PODN: variants seen among roughly 807,000 people sequenced by gnomAD.
PODN encodes podocan proteoglycan.
Under a neutral mutation model 52.7 loss-of-function variants are expected in PODN, and 40 were observed. The ratio of observed to expected loss-of-function variants is 0.76; its 90% CI spans 0.59 to 0.99. The LOEUF is 0.99. PODN is among the 50% of genes least tolerant of loss of function. The pLI is 0.00. For synonymous variants in PODN, 396 were observed against 377.9 expected (o/e 1.05, Z -0.56); for missense variants, 720 against 815.1 (o/e 0.88, Z 1.42).
At chr1:53,071,761 C>A in intron 3 of PODN, 133 bp downstream of exon 3, 1 of 872,536 alleles carries the variant, frequency 1.1e-6, no homozygotes, top group Non-Finnish European at 1.8e-6. Flanking sequence ...CAGGCCCGGG[C>A]CAGGCTAGCA....
At chr1:53,063,477 C>T in intron 1 of PODN, 1 of 985,564 alleles carries the variant, frequency 1.0e-6, no homozygotes, top group Non-Finnish European at 1.2e-6. Context: ...AGAAACCTTC[C>T]ACACTGGGAA....
In PODN at chr1:53,070,011, G is replaced by T; in HGVS notation, c.156G>T (p.Leu52=). Reference sequence around the variant, plus strand: ...AATTTGCGGAGGAGGAGCCGGTGCTGGTACTGAGCCCTGAGGAGCCCGGGC... The same window carrying T: ...AATTTGCGGAGGAGGAGCCGGTGCTTGTACTGAGCCCTGAGGAGCCCGGGC... ...ENEFAEEEPV[L]VLSPEEPGPG... is the part of the protein sequence containing the mutation. Residue 52 remains leucine, a synonymous_variant, in exon 2 of 11, where the codon CTG becomes CTT. Coordinates refer to ENST00000312553, the MANE Select transcript of PODN (RefSeq NM_153703.5). The T allele has an allele frequency of 6.2e-7, 1 of 1,612,790 alleles. No individual in the cohort carries two copies. The highest frequency in any genetic ancestry group is 8.5e-7 in the Non-Finnish European group (1 of 1,179,872).
rs1432183648 is a variant in PODN at position 53,075,853 on chromosome 1, C to T, written c.472-9C>T. The T allele has an allele frequency of 6.3e-7, 1 of 1,584,720 alleles. No homozygotes were observed. Among genetic ancestry groups the T allele is most frequent in the East Asian group, 2.3e-5 (1 of 43,864 alleles). On this transcript the variant is annotated splice_polypyrimidine_tract_variant and intron_variant, in intron 4 of 10. Transcript: ENST00000312553. Reference sequence around the variant, plus strand: ...ATTGCTCTTTCGGCCCCAACTCTTCCCTTCCCAGCTGACCTTGGCACCCCG... The same window carrying T: ...ATTGCTCTTTCGGCCCCAACTCTTCTCTTCCCAGCTGACCTTGGCACCCCG...
chr1:53,080,605 C>A (rs1278874897), intron 8 of PODN, 123 bp from the exon 9 acceptor site: 8 of 1,037,710 alleles, frequency 7.7e-6, no homozygotes, highest in Middle Eastern at 3.0e-4. Context: ...TTATAGACAC[C>A]CCCCCTCCTC....
rs1314333533 is a variant in PODN, at chr1:53,074,462, C to T, written c.407-144C>T. 6 of 860,822 alleles carry T rather than the reference C, an allele frequency of 7.0e-6. No individual in the cohort carries two copies. The East Asian group carries it at 7.3e-5, about 11-fold the overall frequency. 53.3% of individuals were successfully genotyped at this position (860,822 alleles called of 1,614,324 possible). The stretch of plus-strand genomic sequence containing the variant: ...AGGAGAAAGAACAGGGCTGGGCAGG[C>T]CCCCCAACTGCTTGGGAGGGGATCT... On this transcript the variant is annotated intron_variant, in intron 3 of 10. Coordinates refer to ENST00000312553, the MANE Select transcript of PODN (RefSeq NM_153703.5).
chr1:53,067,263 G>A (rs1006599784), intron 1 of PODN, among the ~76,000 whole-genome samples: 5 of 152,102 alleles, frequency 3.3e-5, no homozygotes, highest in Non-Finnish European at 7.4e-5. Flanking sequence ...ATGTGGATCT[G>A]TAGGGTCAAG....
chr1:53,072,036 C>A (rs1283383886), intron 3 of PODN, among the ~76,000 whole-genome samples: 1 of 150,214 alleles, frequency 6.7e-6, no homozygotes, highest in Non-Finnish European at 1.5e-5. Context: ...AATTCCATTA[C>A]AGGTCATTTG....
At chr1:53,079,999 TAAAA>T (rs5774134) in intron 8 of PODN, among the ~76,000 whole-genome samples, 1,284 of 106,090 alleles carry the variant, frequency 0.012, 13 homozygotes, top group African/African-American at 0.035. Context: ...TGTCTCAAAT[TAAAA>T]AAAAAAAAAA....
chr1:53,070,274 T>C, intron 2 of PODN, 107 bp downstream of exon 2: 1 of 1,525,202 alleles, frequency 6.6e-7, no homozygotes, highest in Non-Finnish European at 8.8e-7. Context: ...GAACCTCCAA[T>C]ATGTGCGGCT....
chr1:53,071,688 C>A (rs1190854929), intron 3 of PODN, 60 bp downstream of exon 3: 3 of 1,495,576 alleles, frequency 2.0e-6, no homozygotes, highest in Non-Finnish European at 2.8e-6. Context: ...GGGGCCTGAA[C>A]GATGCTGGGT....
At chr1:53,080,911 G>A (rs373298348) in intron 9 of PODN, 35 bp downstream of exon 9, 100 of 1,608,846 alleles carry the variant, frequency 6.2e-5, no homozygotes, top group Non-Finnish European at 7.3e-5. Context: ...ACACACCCCC[G>A]TGGGGCCCAC....
chr1:53,068,622 C>T (rs1644067246), intron 1 of PODN, among the ~76,000 whole-genome samples: 1 of 152,180 alleles, frequency 6.6e-6, no homozygotes, highest in Non-Finnish European at 1.5e-5. Context: ...GTATTATCTG[C>T]ATTGTACAGA....
chr1:53,071,386 C>T, intron 2 of PODN, 149 bp from the exon 3 acceptor site: 1 of 669,912 alleles, frequency 1.5e-6, no homozygotes, highest in African/African-American at 1.8e-5. Flanking sequence ...AGAGCTGGCA[C>T]CGGGGGTCTG....
intron 3 of PODN, chr1:53,073,265 A>G (rs1461925383): frequency 1.9e-5 from 4 of 205,504 alleles, no homozygotes; most frequent in Non-Finnish European, 4.2e-5. Flanking sequence ...TGTAATCCCT[A>G]TGCAACAATG....
In PODN at chr1:53,078,905, C is replaced by T. The variant is rs1158284732; in HGVS notation, c.1395C>T (p.Ala465=). The part of the protein sequence containing the change: ...VLKVKRNELA[A]LARGALVGMA... ...AGGTCAAGCGCAATGAGCTGGCTGC[C>T]TTGGCACGAGGGGCGCTGGTGGGCA... Residue 465 remains alanine, a synonymous_variant, in exon 8 of 11, where the codon GCC becomes GCT. Coordinates refer to ENST00000312553, the MANE Select transcript of PODN (RefSeq NM_153703.5). 1.2e-6 allele frequency: 2 copies of T among 1,608,118 alleles called. No homozygotes were observed. The highest frequency in any genetic ancestry group is 1.7e-5 in the Admixed American group (1 of 59,244).
At position 53,077,300 on chromosome 1, in the gene PODN, A is replaced by G; in HGVS notation, c.692A>G (p.His231Arg). 6.2e-7 allele frequency: 1 copy of G among 1,613,340 alleles called. No individual in the cohort carries two copies. The highest frequency in any genetic ancestry group is 1.7e-5 in the Admixed American group (1 of 60,018). Residue 231 changes from histidine (H) to arginine (R), a missense_variant, in exon 6 of 11, where the codon CAC (histidine) becomes CGC (arginine). Physicochemically the swap from His to Arg is conservative, Grantham distance 29. Transcript: ENST00000312553. ...ATCCTGTCCAGCAACTTCCTGCGCCACGTGCCCAAGCACCTGCCGCCTGCC... is the reference window on the plus strand; with the variant it reads ...ATCCTGTCCAGCAACTTCCTGCGCCGCGTGCCCAAGCACCTGCCGCCTGCC... ...VLILSSNFLRHVPKHLPPALY... is the reference protein window; with the variant it reads ...VLILSSNFLRRVPKHLPPALY...
rs755332224 is a variant in PODN at position 53,082,116 on chromosome 1, GGAGGAGGAGGAA to G, written c.1809_1820del (p.Glu607_Glu610del). 4.3e-5 allele frequency: 69 copies of G among 1,613,240 alleles called. 1 individual carries two copies. In the African/African-American group the frequency reaches 8.0e-4, roughly 19 times the overall value. On this transcript the variant is annotated inframe_deletion, in exon 10 of 11. Transcript: ENST00000312553. ...ACCGTGGCCGCTTGGGGAAGGAAAA[GGAGGAGGAGGAA>G]GAGGAGGAGGAGGAGGAAGAGGAAA...
chr1:53,070,136 T>C lies in PODN; in HGVS notation c.281T>C (p.Leu94Pro), dbSNP rs747841212. 1 of 1,610,820 alleles carries C rather than the reference T, an allele frequency of 6.2e-7. No individual in the cohort carries two copies. The highest frequency in any genetic ancestry group is 8.5e-7 in the Non-Finnish European group (1 of 1,179,956). Residue 94 changes from leucine to proline, a missense_variant, in exon 2 of 11, where the codon CTG becomes CCG. Physicochemically the swap from Leu to Pro is moderately conservative, Grantham distance 98. Coordinates refer to ENST00000312553, the MANE Select transcript of PODN (RefSeq NM_153703.5). ...GACCTGCGTGAGTTCCCGGGGGACCTGCCTGAGCACACCAACCACCTATCT... is the reference window on the plus strand; with the variant it reads ...GACCTGCGTGAGTTCCCGGGGGACCCGCCTGAGCACACCAACCACCTATCT... Reference protein sequence around the residue: ...GIDLREFPGDLPEHTNHLSLQ... With the variant: ...GIDLREFPGDPPEHTNHLSLQ...
chr1:53,063,461 T>A (rs1464577849), intron 1 of PODN: 2 of 985,370 alleles, frequency 2.0e-6, no homozygotes, highest in African/African-American at 3.5e-5. Flanking sequence ...TATCCCTCCT[T>A]TATATAGAAA....
Sources: allele counts gnomAD v4.1 joint callset (sites outside exome capture counted in the v4.1 genomes callset), GRCh38; gene constraint gnomAD v4.1.1; transcripts MANE v1.5; gene names NCBI Gene and HGNC (gene_info 2026-07-23, HGNC 2026-07-21).